The following EIF4G3 variants were observed in gnomAD, a reference collection of about 807,000 sequenced individuals.
EIF4G3 encodes the protein eIF-4-gamma 3.
Under a neutral mutation model 186.4 loss-of-function variants are expected in EIF4G3, and 34 were observed. The ratio of observed to expected loss-of-function variants is 0.18; its 90% CI spans 0.14 to 0.24. The LOEUF is 0.24. Among genes scored for constraint, EIF4G3 ranks in the 10% least tolerant of loss-of-function variants. The pLI is 1.00. For synonymous variants in EIF4G3, 673 were observed against 679.5 expected (o/e 0.99, Z 0.15); for missense variants, 1,536 against 1,948.5 (o/e 0.79, Z 3.99).
chr1:21,043,326 G>T (rs2093682468), intron 4 of EIF4G3, among the ~76,000 whole-genome samples: 2 of 152,212 alleles, frequency 1.3e-5, no homozygotes, highest in Admixed American at 1.3e-4. Context: ...TCTTTAGCTT[G>T]CTGTAATAGT....
intron 3 of EIF4G3, among the ~76,000 whole-genome samples, chr1:21,083,021 C>G: frequency 8.5e-6 from 1 of 118,076 alleles, no homozygotes; most frequent in African/African-American, 3.6e-5. Context: ...CTGGGAGACA[C>G]AGCGAGACTC....
intron 2 of EIF4G3, among the ~76,000 whole-genome samples, chr1:21,153,583 G>A (rs561714632): frequency 1.7e-3 from 252 of 152,086 alleles, no homozygotes; most frequent in Non-Finnish European, 3.0e-3. Context: ...TGTTTGAGAC[G>A]GAGTCTCGCT....
chr1:21,088,045 A>C (rs1196695513), intron 3 of EIF4G3, among the ~76,000 whole-genome samples: 1 of 151,768 alleles, frequency 6.6e-6, no homozygotes, highest in Admixed American at 6.6e-5. Flanking sequence ...GCAGTAATCC[A>C]TAATCATGCC....
intron 3 of EIF4G3, among the ~76,000 whole-genome samples, chr1:21,061,196 G>T (rs1007720516): frequency 6.7e-6 from 1 of 149,386 alleles, no homozygotes; most frequent in African/African-American, 2.5e-5. Flanking sequence ...AGTATTTCAG[G>T]TTTTTTTTTT....
intron 2 of EIF4G3, among the ~76,000 whole-genome samples, chr1:21,135,930 T>G (rs2097233573): frequency 6.6e-6 from 1 of 152,158 alleles, no homozygotes; most frequent in African/African-American, 2.4e-5. Flanking sequence ...ACGCCTGTAA[T>G]CCCAGCACTT....
chr1:20,812,557 T>C (rs1237156213), intron 35 of EIF4G3, among the ~76,000 whole-genome samples: 1 of 152,170 alleles, frequency 6.6e-6, no homozygotes, highest in African/African-American at 2.4e-5. Flanking sequence ...GTGACAGAAG[T>C]ATGAATTTCT....
chr1:21,019,881 TCAAAA>T (rs898734115), intron 4 of EIF4G3, among the ~76,000 whole-genome samples: 3 of 151,966 alleles, frequency 2.0e-5, no homozygotes, highest in Admixed American at 6.6e-5. Context: ...AGACGCCGTC[TCAAAA>T]CAAAACAAAA....
chr1:21,012,210 G>C lies in EIF4G3; in HGVS notation c.-66-9402C>G, dbSNP rs186019411. Reference sequence around the variant, plus strand: ...AACATTCTCATTCCTAAGGGTTTCGGGACAGTCGTTTACTATTCCATATTT... The same window carrying C: ...AACATTCTCATTCCTAAGGGTTTCGCGACAGTCGTTTACTATTCCATATTT... On this transcript the variant is annotated intron_variant, in intron 4 of 36. Transcript: ENST00000602326. Among the ~76,000 whole-genome samples the C allele has an allele frequency of 2.6e-5, 4 of 152,036 alleles. No homozygotes were observed. In the East Asian group the frequency reaches 7.7e-4, roughly 29 times the overall value.
chr1:21,081,346 T>C (rs2095778160), intron 3 of EIF4G3, among the ~76,000 whole-genome samples: 1 of 152,136 alleles, frequency 6.6e-6, no homozygotes, highest in African/African-American at 2.4e-5. Context: ...GGCAGGAGAA[T>C]CACTTGAACC....
chr1:20,954,775 CAT>C (rs998198027), intron 12 of EIF4G3, among the ~76,000 whole-genome samples: 10 of 152,060 alleles, frequency 6.6e-5, no homozygotes, highest in Non-Finnish European at 1.2e-4. Context: ...TCAAAGGAAA[CAT>C]ATGGTATAGA....
chr1:20,817,290 A>T (rs75532916), intron 34 of EIF4G3, 102 bp downstream of exon 34: 12,273 of 303,134 alleles, frequency 0.04, 330 homozygotes, highest in Admixed American at 0.048. Flanking sequence ...AAAAAAATAA[A>T]AATAAAAATT....
chr1:20,939,847 G>A (rs1008240273), intron 14 of EIF4G3, among the ~76,000 whole-genome samples: 1 of 89,914 alleles, frequency 1.1e-5, no homozygotes, highest in African/African-American at 4.0e-5. Context: ...AAGTTGTTTA[G>A]TTTTTTTTTT....
chr1:21,166,244 A>C (rs1399445436), intron 2 of EIF4G3, among the ~76,000 whole-genome samples: 2 of 147,032 alleles, frequency 1.4e-5, no homozygotes, highest in Non-Finnish European at 3.0e-5. Context: ...CTGGGCAACA[A>C]ACTGAGATCT....
chr1:21,089,448 T>C (rs1046593875), intron 2 of EIF4G3, among the ~76,000 whole-genome samples: 6 of 152,120 alleles, frequency 3.9e-5, no homozygotes, highest in African/African-American at 1.4e-4. Flanking sequence ...CAAACACAAC[T>C]ATACAATAAG....
At chr1:20,908,710 T>C (rs2092690372) in intron 14 of EIF4G3, among the ~76,000 whole-genome samples, 1 of 152,208 alleles carries the variant, frequency 6.6e-6, no homozygotes, top group Non-Finnish European at 1.5e-5. Flanking sequence ...AATTAAGACC[T>C]AACAACTATC....
At chr1:20,902,273 A>G (rs2090593164) in intron 15 of EIF4G3, among the ~76,000 whole-genome samples, 1 of 152,182 alleles carries the variant, frequency 6.6e-6, no homozygotes, top group Admixed American at 6.6e-5. Context: ...CATGTTGGTC[A>G]GGCTGGTCTC....
intron 21 of EIF4G3, among the ~76,000 whole-genome samples, 191 bp from the exon 22 acceptor site, chr1:20,864,903 A>C (rs2077217395): frequency 3.3e-5 from 5 of 152,172 alleles, no homozygotes; most frequent in Admixed American, 2.0e-4. Flanking sequence ...GCTTAGATTG[A>C]ATGGCTGGCA....
intron 2 of EIF4G3, among the ~76,000 whole-genome samples, chr1:21,101,736 A>G (rs908844954): frequency 6.6e-6 from 1 of 151,898 alleles, no homozygotes; most frequent in Non-Finnish European, 1.5e-5. Context: ...AACAGCTACA[A>G]ATTTCACCTT....
intron 23 of EIF4G3, among the ~76,000 whole-genome samples, chr1:20,861,967 C>CT (rs1445152006): frequency 1.3e-5 from 2 of 150,650 alleles, no homozygotes; most frequent in African/African-American, 4.9e-5. Context: ...GAGTGAGACT[C>CT]TATCTCAAAA....
Sources: gnomAD v4.1 joint callset for allele counts (sites outside exome capture counted in the v4.1 genomes callset) on GRCh38, gnomAD v4.1.1 for gene constraint, MANE v1.5 for transcripts, NCBI Gene and HGNC (gene_info 2026-07-23, HGNC 2026-07-21) for gene names.